PRR16: variants seen among roughly 807,000 people sequenced by gnomAD.
PRR16 encodes proline rich 16.
Under a neutral mutation model 18.2 loss-of-function variants are expected in PRR16, and 6 were observed. The observed-to-expected ratio is 0.33, with a 90% CI of 0.18 to 0.65. The LOEUF (loss-of-function observed/expected upper bound fraction) is 0.65. Ranked by LOEUF, PRR16 falls within the 30% of genes least tolerant of loss-of-function variation. The probability of loss-of-function intolerance (pLI) is 0.74; values close to 1 mark genes in which losing one functional copy is unlikely to be tolerated. For synonymous variants in PRR16, 151 were observed against 147.8 expected (o/e 1.02, Z -0.16); for missense variants, 412 against 376.6 (o/e 1.09, Z -0.78).
chr5:120,758,525 G>A, the PRR16 span, among the ~76,000 whole-genome samples: 12 of 152,198 alleles, frequency 7.9e-5, no homozygotes, highest in Middle Eastern at 3.4e-3. Context: ...TGTAATCCCC[G>A]CATATTGAAG....
At chr5:120,468,789 G>A (rs565997955) in intron 1 of PRR16, among the ~76,000 whole-genome samples, 1 of 152,224 alleles carries the variant, frequency 6.6e-6, no homozygotes, top group African/African-American at 2.4e-5. Context: ...AGCTTTAGCT[G>A]GATTCTCTTT....
the PRR16 span, among the ~76,000 whole-genome samples, chr5:120,779,727 A>G: frequency 6.6e-6 from 1 of 152,180 alleles, no homozygotes. Context: ...GCACATGCTG[A>G]TATTCTTAAT....
At chr5:120,763,402 G>C in the PRR16 span, among the ~76,000 whole-genome samples, 1 of 151,966 alleles carries the variant, frequency 6.6e-6, no homozygotes, top group Admixed American at 6.6e-5. Flanking sequence ...CCAAAGTGCT[G>C]GGCTTATAGG....
At chr5:120,776,744 G>C in the PRR16 span, among the ~76,000 whole-genome samples, 1 of 151,986 alleles carries the variant, frequency 6.6e-6, no homozygotes, top group South Asian at 2.1e-4. Context: ...TGCAATCTTT[G>C]TTAAAGTCTC....
the PRR16 span, among the ~76,000 whole-genome samples, chr5:120,765,811 C>A: frequency 6.6e-6 from 1 of 151,930 alleles, no homozygotes; most frequent in Non-Finnish European, 1.5e-5. Context: ...TTCCTGATTT[C>A]TAATCCCACT....
intron 1 of PRR16, among the ~76,000 whole-genome samples, chr5:120,509,278 T>C (rs1054454036): frequency 6.6e-6 from 1 of 152,132 alleles, no homozygotes; most frequent in African/African-American, 2.4e-5. Context: ...CCAGATTTTC[T>C]CCTTGGTTTC....
chr5:120,665,509 G>A (rs535386284), intron 1 of PRR16, among the ~76,000 whole-genome samples: 1 of 152,272 alleles, frequency 6.6e-6, no homozygotes, highest in Non-Finnish European at 1.5e-5. Context: ...TGCTTTTAGT[G>A]TTTTAGACAT....
chr5:120,709,072 A>T, the PRR16 span, among the ~76,000 whole-genome samples: 1 of 132,294 alleles, frequency 7.6e-6, no homozygotes, highest in Admixed American at 9.0e-5. Flanking sequence ...CAGTGGCGCA[A>T]TCTCGGCTCA....
At chr5:120,685,919 A>C (rs1757102424) in intron 1 of PRR16, 35 bp from the exon 2 acceptor site, 1 of 1,571,368 alleles carries the variant, frequency 6.4e-7, no homozygotes, top group African/African-American at 1.4e-5. Flanking sequence ...TGTTTGGGTC[A>C]TTCTTCAAAA....
At chr5:120,529,684 C>T (rs543500034) in intron 1 of PRR16, among the ~76,000 whole-genome samples, 74 of 152,262 alleles carry the variant, frequency 4.9e-4, no homozygotes, top group African/African-American at 1.6e-3. Context: ...AATCCTTAAA[C>T]ATCCACTTGA....
At chr5:120,702,484 G>A in the PRR16 span, among the ~76,000 whole-genome samples, 1 of 152,004 alleles carries the variant, frequency 6.6e-6, no homozygotes, top group Admixed American at 6.5e-5. Context: ...AGGGGTTGGG[G>A]TACTTGCCCC....
chr5:120,601,385 C>T (rs541308056), intron 1 of PRR16, among the ~76,000 whole-genome samples: 1 of 151,828 alleles, frequency 6.6e-6, no homozygotes, highest in South Asian at 2.1e-4. Flanking sequence ...TGAGAAATGT[C>T]TCTTCATGTC....
intron 1 of PRR16, among the ~76,000 whole-genome samples, chr5:120,465,471 C>G (rs1209829647): frequency 6.6e-6 from 1 of 152,242 alleles, no homozygotes; most frequent in Non-Finnish European, 1.5e-5. Context: ...TTTTCCTATC[C>G]CACTTCGGTT....
intron 1 of PRR16, among the ~76,000 whole-genome samples, chr5:120,470,884 C>A (rs1452450255): frequency 6.6e-6 from 1 of 152,118 alleles, no homozygotes; most frequent in African/African-American, 2.4e-5. Context: ...ACAGCATTAA[C>A]CGCCAAGCTC....
intron 1 of PRR16, among the ~76,000 whole-genome samples, chr5:120,486,432 G>T (rs1051855563): frequency 1.3e-5 from 2 of 150,874 alleles, no homozygotes; most frequent in African/African-American, 4.9e-5. Flanking sequence ...GGGTCTGTTG[G>T]CTGCATAAAT....
At chr5:120,555,588 A>G (rs1752382656) in intron 1 of PRR16, among the ~76,000 whole-genome samples, 2 of 151,792 alleles carry the variant, frequency 1.3e-5, no homozygotes, top group African/African-American at 4.8e-5. Context: ...TCATCCCATC[A>G]TGGAAGGAGG....
intron 1 of PRR16, among the ~76,000 whole-genome samples, chr5:120,530,556 T>C (rs567659026): frequency 2.0e-5 from 3 of 151,962 alleles, no homozygotes; most frequent in Non-Finnish European, 2.9e-5. Flanking sequence ...TAAATACTTA[T>C]GTTTTTCTTA....
chr5:120,723,541 T>G, the PRR16 span, among the ~76,000 whole-genome samples: 6 of 152,006 alleles, frequency 3.9e-5, no homozygotes, highest in Non-Finnish European at 5.9e-5. Flanking sequence ...ATTGTATATA[T>G]TCAGTAAAGC....
intron 1 of PRR16, among the ~76,000 whole-genome samples, chr5:120,657,074 A>G (rs1173697943): frequency 6.6e-6 from 1 of 152,002 alleles, no homozygotes; most frequent in African/African-American, 2.4e-5. Flanking sequence ...TTATATATGG[A>G]AAAATCATCA....
Sources: gnomAD v4.1 joint callset for allele counts (sites outside exome capture counted in the v4.1 genomes callset) on GRCh38, gnomAD v4.1.1 for gene constraint, MANE v1.5 for transcripts, NCBI Gene and HGNC (gene_info 2026-07-23, HGNC 2026-07-21) for gene names.